The following ZNF99 variants were observed in gnomAD, a reference collection of about 807,000 sequenced individuals.
The protein encoded by ZNF99 is zinc finger protein 99, also known as zinc finger protein ENSP00000375192.
ZNF99 carries 8 observed loss-of-function variants against 12.8 expected under a neutral mutation model. The observed-to-expected ratio is 0.62, with a 90% CI of 0.37 to 1.13. The LOEUF is 1.13. Among genes scored for constraint, ZNF99 ranks in the 50% most tolerant of loss-of-function variants. The pLI is 0.02. For synonymous variants in ZNF99, 318 were observed against 319.0 expected (o/e 1.00, Z 0.03); for missense variants, 1,007 against 1,006.2 (o/e 1.00, Z -0.01).
At chr19:22,771,714 CTTTT>C (rs34457637) in intron 1 of ZNF99, among the ~76,000 whole-genome samples, 8 of 91,124 alleles carry the variant, frequency 8.8e-5, no homozygotes, top group African/African-American at 2.1e-4. Flanking sequence ...ACAGGTGAAA[CTTTT>C]TTTTTTTTTT....
intron 1 of ZNF99, among the ~76,000 whole-genome samples, chr19:22,772,297 T>G (rs62120125): frequency 6.6e-6 from 1 of 152,068 alleles, no homozygotes; most frequent in Non-Finnish European, 1.5e-5. Context: ...CATTAGTTTT[T>G]AGGTACAAGT....
intron 1 of ZNF99, among the ~76,000 whole-genome samples, chr19:22,775,856 C>G (rs1198515225): frequency 2.0e-5 from 3 of 151,924 alleles, no homozygotes; most frequent in African/African-American, 7.3e-5. Flanking sequence ...GAAACCCAGT[C>G]TTTACTAAAA....
Position 22,756,422 on chromosome 19 carries a change from G to A in ZNF99, c.*892C>T, listed in dbSNP as rs17172927. 0.17 allele frequency: 275,939 copies of A among 1,590,922 alleles called. 32,246 individuals carry two copies. Among genetic ancestry groups the A allele is most frequent in the East Asian group, 0.19 (8,470 of 43,918 alleles). ...TATCTTATGTTTAGTAAGGTTTGAG[G>A]ACTAAATGCTTTACCACACTCTTCA... On this transcript the variant is annotated 3_prime_UTR_variant, in exon 4 of 4. Coordinates refer to ENST00000596209, the MANE Select transcript of ZNF99 (RefSeq NM_001080409.3).
intron 1 of ZNF99, among the ~76,000 whole-genome samples, chr19:22,781,024 A>G (rs1238014936): frequency 6.6e-6 from 1 of 152,210 alleles, no homozygotes; most frequent in African/African-American, 2.4e-5. Flanking sequence ...CACACCAGAG[A>G]AAATTCCTAA....
chr19:22,779,254 G>A (rs1439687545), intron 1 of ZNF99, among the ~76,000 whole-genome samples: 9 of 152,106 alleles, frequency 5.9e-5, no homozygotes, highest in South Asian at 2.1e-4. Flanking sequence ...GGCCGGGCGC[G>A]GTAGCTCATG....
intron 3 of ZNF99, among the ~76,000 whole-genome samples, chr19:22,764,255 TAGG>T (rs1413856356): frequency 2.0e-5 from 3 of 152,074 alleles, no homozygotes; most frequent in African/African-American, 7.2e-5. Flanking sequence ...TAGCCACATG[TAGG>T]AGAATAAAAC....
In ZNF99 at chr19:22,758,700, A is replaced by G. The variant is rs745689053; in HGVS notation, c.1209T>C (p.Gly403=). 39 of 1,612,170 alleles carry G rather than the reference A, an allele frequency of 2.4e-5. No individual in the cohort carries two copies. In the South Asian group the frequency reaches 3.9e-4, roughly 16 times the overall value. The change falls in exon 4 of 4, where the codon GGT becomes GGC. Residue 403 remains glycine, a synonymous_variant. Transcript: ENST00000596209. ...GTTTTGAGGACCACTTAAAAGCTTT[A>G]CCACATTCTTCACATTTGTAGGGTT... is the stretch of plus-strand genomic sequence containing the variant. ...GQKPYKCEEC[G]KAFKWSSKLT... is the part of the protein sequence containing the mutation.
At chr19:22,764,162 C>T (rs900733758) in intron 3 of ZNF99, among the ~76,000 whole-genome samples, 27 of 152,074 alleles carry the variant, frequency 1.8e-4, no homozygotes, top group African/African-American at 6.3e-4. Context: ...CCGTCTCAGC[C>T]TCCCAAAGTG....
At chr19:22,765,488 AAAAT>A (rs1973193727) in intron 3 of ZNF99, among the ~76,000 whole-genome samples, 1 of 152,026 alleles carries the variant, frequency 6.6e-6, no homozygotes, top group Non-Finnish European at 1.5e-5. Flanking sequence ...ATGAAAAAAT[AAAAT>A]AAATAAAAAA....
intron 3 of ZNF99, among the ~76,000 whole-genome samples, chr19:22,764,566 A>C (rs1355243935): frequency 2.0e-5 from 3 of 152,284 alleles, no homozygotes; most frequent in African/African-American, 7.2e-5. Flanking sequence ...GAGTAGGAGA[A>C]AATCTTCACA....
At chr19:22,766,659 T>C (rs1973207499) in intron 3 of ZNF99, among the ~76,000 whole-genome samples, 1 of 151,120 alleles carries the variant, frequency 6.6e-6, no homozygotes, top group Non-Finnish European at 1.5e-5. Context: ...TTATTTCTTT[T>C]TTTTTTTTTG....
At position 22,759,502 on chromosome 19, in the gene ZNF99, CA is replaced by C. The variant is rs1469498961; in HGVS notation, c.406del (p.Cys136ValfsTer16). 6.2e-7 allele frequency: 1 copy of C among 1,607,828 alleles called. No homozygotes were observed. Among genetic ancestry groups the C allele is most frequent in the African/African-American group, 1.3e-5 (1 of 74,602 alleles). On this transcript the variant is annotated frameshift_variant, in exon 4 of 4. Coordinates refer to ENST00000596209, the MANE Select transcript of ZNF99 (RefSeq NM_001080409.3). LOFTEE classifies it low-confidence loss of function (END_TRUNC). ...HEEAYNKLNQCWTTTQGKIFQ... is the reference protein window; with the variant it reads ...HEEAYNKLNQXWTTTQGKIFQ... ...TATTTTTCCCTGGGTAGTTGTCCAA[CA>C]TTGGTTAAGTTTATTATAAGCTTCT...
chr19:22,770,366 T>G (rs1364098793), intron 1 of ZNF99: 1 of 153,280 alleles, frequency 6.5e-6, no homozygotes, highest in Non-Finnish European at 1.5e-5. Context: ...GACAGCTTTT[T>G]TTTTTTTTAG....
At position 22,756,136 on chromosome 19, in the gene ZNF99, A is replaced by T. The variant is rs1194435996; in HGVS notation, c.*1178T>A. 17 of 1,495,338 alleles carry T rather than the reference A, an allele frequency of 1.1e-5. No homozygotes were observed. In the South Asian group the frequency reaches 2.0e-4, roughly 18 times the overall value. 92.6% of individuals were successfully genotyped at this position (1,495,338 alleles called of 1,614,324 possible). A position where few individuals can be genotyped will look rare whatever the true frequency, so the allele number is the denominator to read the frequency against. On this transcript the variant is annotated 3_prime_UTR_variant, in exon 4 of 4. Transcript: ENST00000596209. ...CTTCACATATGGAGGGTCTGTCTCT[A>T]GTATAAATTATCTTATGTGTATTAA...
At chr19:22,763,192 G>A (rs1294735258) in intron 3 of ZNF99, among the ~76,000 whole-genome samples, 1 of 152,116 alleles carries the variant, frequency 6.6e-6, no homozygotes, top group Non-Finnish European at 1.5e-5. Flanking sequence ...AGGAAGTAAA[G>A]CTGTCACTGT....
chr19:22,752,791 C>A lies in ZNF99; in HGVS notation c.*4523G>T, dbSNP rs577129848. On this transcript the variant is annotated 3_prime_UTR_variant, in exon 4 of 4. Transcript: ENST00000596209. ...TGTACTACATTACATAAAAGCACAACTAATATAATACATCACTAATTTAAT... is the reference window on the plus strand; with the variant it reads ...TGTACTACATTACATAAAAGCACAAATAATATAATACATCACTAATTTAAT... 6.6e-6 allele frequency: 1 copy of A among 152,002 alleles called. No homozygotes were observed. The highest frequency in any genetic ancestry group is 2.4e-5 in the African/African-American group (1 of 41,376). The allele number at this position is 152,002 out of a possible 1,614,324, so 9.4% of individuals were successfully genotyped here. A position where few individuals can be genotyped will look rare whatever the true frequency, so the allele number is the denominator to read the frequency against.
chr19:22,780,869 C>T (rs930030662), intron 1 of ZNF99, among the ~76,000 whole-genome samples: 1 of 152,110 alleles, frequency 6.6e-6, no homozygotes, highest in East Asian at 1.9e-4. Context: ...ATCTAAGGAA[C>T]TCACCAATTA....
chr19:22,756,741 C>A lies in ZNF99; in HGVS notation c.*573G>T, dbSNP rs57140831. ...CCCCAGTATGAATTATCTTATGTTTCATAAGGGTTGAGGAATTGTTAAAAG... is the reference window on the plus strand; with the variant it reads ...CCCCAGTATGAATTATCTTATGTTTAATAAGGGTTGAGGAATTGTTAAAAG... On this transcript the variant is annotated 3_prime_UTR_variant, in exon 4 of 4. Transcript: ENST00000596209. The A allele has an allele frequency of 9.9e-6, 15 of 1,509,928 alleles. 1 individual carries two copies. Among genetic ancestry groups the A allele is most frequent in the Non-Finnish European group, 1.3e-5 (15 of 1,131,476 alleles). 93.5% of individuals were successfully genotyped at this position (1,509,928 alleles called of 1,614,324 possible).
At chr19:22,780,646 G>C (rs188689841) in intron 1 of ZNF99, among the ~76,000 whole-genome samples, 2 of 150,384 alleles carry the variant, frequency 1.3e-5, no homozygotes, top group Admixed American at 6.6e-5. Context: ...AGCCAAGATC[G>C]TGCCATTGCA....
Sources: gnomAD v4.1 joint callset for allele counts (sites outside exome capture counted in the v4.1 genomes callset) on GRCh38, gnomAD v4.1.1 for gene constraint, MANE v1.5 for transcripts, NCBI Gene and HGNC (gene_info 2026-07-23, HGNC 2026-07-21) for gene names.